ZFPM2: variants seen among roughly 807,000 people sequenced by gnomAD.
ZFPM2 encodes zinc finger protein ZFPM2.
Under a neutral mutation model 98.6 loss-of-function variants are expected in ZFPM2, and 20 were observed. That is an observed-to-expected ratio of 0.20 (90% CI 0.14 to 0.29). The LOEUF is 0.29. ZFPM2 is among the 10% of genes least tolerant of loss of function. The pLI, the probability that ZFPM2 is intolerant of heterozygous loss-of-function variation, is 1.00. For synonymous variants in ZFPM2, 518 were observed against 502.7 expected (o/e 1.03, Z -0.41); for missense variants, 1,310 against 1,388.6 (o/e 0.94, Z 0.90).
intron 1 of ZFPM2, among the ~76,000 whole-genome samples, chr8:105,368,211 G>A (rs1477756961): frequency 6.7e-6 from 1 of 149,526 alleles, no homozygotes; most frequent in Non-Finnish European, 1.5e-5. Flanking sequence ...TCTCTGCCCA[G>A]CTTTGGTATC....
chr8:105,648,079 G>A (rs1293459609), intron 5 of ZFPM2, among the ~76,000 whole-genome samples: 1 of 152,150 alleles, frequency 6.6e-6, no homozygotes, highest in Non-Finnish European at 1.5e-5. Flanking sequence ...TCTAACTGGT[G>A]TGAGATGGTA....
intron 1 of ZFPM2, among the ~76,000 whole-genome samples, chr8:105,417,159 A>G (rs1231420378): frequency 6.6e-6 from 1 of 152,046 alleles, no homozygotes; most frequent in Non-Finnish European, 1.5e-5. Flanking sequence ...AAAAAATAAT[A>G]ATAATCTTAA....
At chr8:105,742,999 A>G (rs1402206403) in intron 5 of ZFPM2, among the ~76,000 whole-genome samples, 1 of 152,112 alleles carries the variant, frequency 6.6e-6, no homozygotes, top group Non-Finnish European at 1.5e-5. Context: ...GATGATGACA[A>G]ATGATCTAGA....
intron 1 of ZFPM2, among the ~76,000 whole-genome samples, chr8:105,392,136 G>C (rs549214271): frequency 2.0e-5 from 3 of 152,176 alleles, no homozygotes; most frequent in Non-Finnish European, 4.4e-5. Flanking sequence ...GGGTGATCAG[G>C]TGCACTGTCA....
intron 5 of ZFPM2, among the ~76,000 whole-genome samples, chr8:105,778,916 A>G (rs965237433): frequency 2.8e-5 from 4 of 145,206 alleles, no homozygotes; most frequent in Admixed American, 1.4e-4. Flanking sequence ...TTTTTTACGC[A>G]TACGTCTTTT....
chr8:105,785,336 C>G (rs533773514), intron 5 of ZFPM2: 24 of 139,224 alleles, frequency 1.7e-4, no homozygotes, highest in Non-Finnish European at 3.1e-4. Context: ...CACACACACA[C>G]GCACACGCAC....
intron 5 of ZFPM2, among the ~76,000 whole-genome samples, chr8:105,735,971 T>TTA (rs1205733205): frequency 6.6e-6 from 1 of 152,016 alleles, no homozygotes; most frequent in East Asian, 1.9e-4. Flanking sequence ...GGAAAGATGA[T>TTA]TACTCTATGG....
chr8:105,572,807 A>G (rs1815386539), intron 4 of ZFPM2, among the ~76,000 whole-genome samples: 1 of 152,004 alleles, frequency 6.6e-6, no homozygotes, highest in African/African-American at 2.4e-5. Flanking sequence ...TCTTACTTCA[A>G]TTTTCTCATA....
At chr8:105,431,177 GGGTTA>G (rs1398889293) in intron 2 of ZFPM2, among the ~76,000 whole-genome samples, 4 of 151,984 alleles carry the variant, frequency 2.6e-5, no homozygotes, top group Non-Finnish European at 5.9e-5. Context: ...CAAAGTGCTG[GGGTTA>G]CAGGCATGAG....
intron 5 of ZFPM2, among the ~76,000 whole-genome samples, chr8:105,771,830 C>T (rs1279277866): frequency 6.6e-6 from 1 of 152,106 alleles, no homozygotes; most frequent in Non-Finnish European, 1.5e-5. Context: ...CTTGGAGCCC[C>T]ATTTCTTCCT....
intron 5 of ZFPM2, among the ~76,000 whole-genome samples, chr8:105,766,908 T>G (rs1812865579): frequency 6.6e-6 from 1 of 152,034 alleles, no homozygotes; most frequent in Non-Finnish European, 1.5e-5. Flanking sequence ...AGGTCAATGA[T>G]ATTGGATTTT....
rs140003631 is a variant in ZFPM2, at chr8:105,530,125, A to G, written c.302-31238A>G. ...ATCGGGCTGGCTTGCTAACAAATGT[A>G]CTATAATTCACAAGGTATTGCAGTC... On this transcript the variant is annotated intron_variant, in intron 3 of 7. Coordinates refer to ENST00000407775, the MANE Select transcript of ZFPM2 (RefSeq NM_012082.4). Among the ~76,000 whole-genome samples, 20 of 152,290 alleles carry G rather than the reference A, an allele frequency of 1.3e-4. No homozygotes were observed. The East Asian group carries it at 3.5e-3, about 26-fold the overall frequency.
intron 3 of ZFPM2, among the ~76,000 whole-genome samples, chr8:105,538,564 A>C (rs1346098562): frequency 6.6e-6 from 1 of 152,172 alleles, no homozygotes; most frequent in African/African-American, 2.4e-5. Context: ...CATAAAGGCC[A>C]GGAGATACTT....
intron 3 of ZFPM2, among the ~76,000 whole-genome samples, chr8:105,524,729 T>C (rs1008844949): frequency 4.5e-4 from 68 of 152,144 alleles, no homozygotes; most frequent in African/African-American, 1.5e-3. Context: ...GAACTGGCTG[T>C]GACCTGGAGG....
chr8:105,608,229 C>T (rs1007094566), intron 4 of ZFPM2, among the ~76,000 whole-genome samples: 8 of 151,906 alleles, frequency 5.3e-5, no homozygotes, highest in African/African-American at 1.9e-4. Flanking sequence ...CTGTTGGGTA[C>T]GGGGCTTAGT....
At chr8:105,623,593 G>A (rs549399870) in intron 4 of ZFPM2, among the ~76,000 whole-genome samples, 2 of 152,228 alleles carry the variant, frequency 1.3e-5, no homozygotes, top group Non-Finnish European at 2.9e-5. Context: ...TGGTGACTGA[G>A]AGATTCATTA....
intron 4 of ZFPM2, among the ~76,000 whole-genome samples, chr8:105,576,402 A>G (rs538573599): frequency 6.6e-6 from 1 of 152,288 alleles, no homozygotes; most frequent in South Asian, 2.1e-4. Flanking sequence ...TACCATGGAT[A>G]GTCCAGTGCT....
At chr8:105,570,185 T>A (rs940385394) in intron 4 of ZFPM2, among the ~76,000 whole-genome samples, 1 of 152,138 alleles carries the variant, frequency 6.6e-6, no homozygotes, top group Non-Finnish European at 1.5e-5. Flanking sequence ...GGAAACTGAG[T>A]GGACAGAAAA....
rs777087260 is a variant in ZFPM2, at chr8:105,444,387, G to C, written c.301+6G>C. The C allele has an allele frequency of 3.1e-6, 5 of 1,601,040 alleles. No homozygotes were observed. Among genetic ancestry groups the C allele is most frequent in the Non-Finnish European group, 4.3e-6 (5 of 1,172,596 alleles). On this transcript the variant is annotated splice_donor_region_variant and intron_variant, in intron 3 of 7. Transcript: ENST00000407775. ...AGACGACTGGGATGGACCAGGTAGG[G>C]GAGAATATTTAAAATTCAACCGTCT... is the stretch of plus-strand genomic sequence containing the variant.
Sources: allele counts gnomAD v4.1 joint callset (sites outside exome capture counted in the v4.1 genomes callset), GRCh38; gene constraint gnomAD v4.1.1; transcripts MANE v1.5; gene names NCBI Gene and HGNC (gene_info 2026-07-23, HGNC 2026-07-21).